Variants in NBEA observed in about 807,000 individuals in gnomAD.
The protein encoded by NBEA is lysosomal-trafficking regulator 2.
In NBEA, 44 loss-of-function variants were observed where a neutral mutation model predicts 343.4. That is an observed-to-expected ratio of 0.13 (90% CI 0.10 to 0.16). The LOEUF is 0.16. Among genes scored for constraint, NBEA ranks in the 10% least tolerant of loss-of-function variants. NBEA has a pLI of 1.00. For missense variants in NBEA, 2,555 were observed against 3,631.3 expected, an observed-to-expected ratio of 0.70 and a Z score of 7.62; for synonymous variants, 1,175 against 1,238.7, an observed-to-expected ratio of 0.95 and a Z score of 1.08.
intron 35 of NBEA, among the ~76,000 whole-genome samples, chr13:35,295,422 A>G (rs1013870235): frequency 1.7e-4 from 26 of 151,996 alleles, no homozygotes; most frequent in Non-Finnish European, 3.2e-4. Context: ...CCCACCTCTT[A>G]TCTGTGATAT....
chr13:35,655,441 A>G (rs1465989342), intron 54 of NBEA, 138 bp from the exon 55 acceptor site: 15 of 903,246 alleles, frequency 1.7e-5, no homozygotes, highest in Middle Eastern at 3.6e-4. Context: ...TTGTCAGCCC[A>G]TAGATGAACT....
At chr13:35,356,028 T>G (rs1594330902) in intron 38 of NBEA, among the ~76,000 whole-genome samples, 1 of 152,052 alleles carries the variant, frequency 6.6e-6, no homozygotes. Context: ...TTATCCATAA[T>G]TGTATCCCCA....
chr13:35,225,835 C>A (rs917882240), intron 33 of NBEA, among the ~76,000 whole-genome samples: 2 of 152,074 alleles, frequency 1.3e-5, no homozygotes, highest in African/African-American at 2.4e-5. Flanking sequence ...GCAACCTCAG[C>A]TCTCTGATGA....
At chr13:35,005,840 G>A (rs188984710) in intron 1 of NBEA, among the ~76,000 whole-genome samples, 4 of 152,218 alleles carry the variant, frequency 2.6e-5, no homozygotes, top group Admixed American at 2.0e-4. Context: ...CCAGATATGT[G>A]TATGCATAAT....
chr13:35,050,723 T>C (rs2063036366), intron 6 of NBEA, among the ~76,000 whole-genome samples: 1 of 152,042 alleles, frequency 6.6e-6, no homozygotes, highest in Non-Finnish European at 1.5e-5. Context: ...TTTGCCTTTT[T>C]TTAAAAAAGT....
chr13:35,079,876 T>G (rs753132288), intron 10 of NBEA, among the ~76,000 whole-genome samples: 22 of 152,164 alleles, frequency 1.4e-4, no homozygotes, highest in Admixed American at 3.3e-4. Context: ...CTATTCATTT[T>G]CACGTAATTC....
At chr13:35,331,516 TTGTC>T (rs1330930550) in intron 36 of NBEA, among the ~76,000 whole-genome samples, 2 of 152,034 alleles carry the variant, frequency 1.3e-5, no homozygotes, top group African/African-American at 2.4e-5. Flanking sequence ...AAAAATGAAT[TTGTC>T]TGACCTATCC....
chr13:35,622,930 G>T (rs535677026), intron 48 of NBEA, among the ~76,000 whole-genome samples: 25 of 152,098 alleles, frequency 1.6e-4, no homozygotes, highest in Middle Eastern at 3.4e-3. Flanking sequence ...AAAGAATTCT[G>T]TACCATCCAA....
At chr13:35,410,050 G>C (rs2043494122) in intron 38 of NBEA, among the ~76,000 whole-genome samples, 1 of 151,956 alleles carries the variant, frequency 6.6e-6, no homozygotes, top group East Asian at 1.9e-4. Context: ...TCTTCCTCTA[G>C]TTGAATCCAA....
chr13:35,132,160 C>T (rs4998018), intron 17 of NBEA, among the ~76,000 whole-genome samples: 14 of 151,908 alleles, frequency 9.2e-5, no homozygotes, highest in Non-Finnish European at 1.6e-4. Context: ...ACTATTATTA[C>T]TATTATTATT....
At chr13:35,641,584 G>A (rs2083950883) in intron 49 of NBEA, among the ~76,000 whole-genome samples, 1 of 152,108 alleles carries the variant, frequency 6.6e-6, no homozygotes, top group Non-Finnish European at 1.5e-5. Flanking sequence ...AATATGTAGT[G>A]TATAACTCAA....
chr13:35,649,894 A>G, intron 52 of NBEA, 47 bp downstream of exon 52: 2 of 1,524,930 alleles, frequency 1.3e-6, no homozygotes, highest in Admixed American at 4.2e-5. Context: ...CTTAAAAGCT[A>G]CAATTAAAGT....
At chr13:35,611,788 C>T (rs9574245) in intron 48 of NBEA, among the ~76,000 whole-genome samples, 22,687 of 152,216 alleles carry the variant, frequency 0.15, 1,875 homozygotes, top group East Asian at 0.32. Context: ...TGGAATATCA[C>T]ATTTTGTTCA....
chr13:35,184,482 T>G (rs547625800), intron 30 of NBEA, among the ~76,000 whole-genome samples: 3 of 151,806 alleles, frequency 2.0e-5, no homozygotes, highest in Non-Finnish European at 4.4e-5. Context: ...GCCCCAACAC[T>G]GTAAAGGAAT....
At chr13:35,657,326 C>G (rs771403985) in intron 55 of NBEA, among the ~76,000 whole-genome samples, 3 of 152,182 alleles carry the variant, frequency 2.0e-5, no homozygotes, top group Non-Finnish European at 2.9e-5. Flanking sequence ...AGTCTCTGTT[C>G]TAAATTTGAA....
chr13:34,981,023 C>G (rs1311951451), intron 1 of NBEA, among the ~76,000 whole-genome samples: 1 of 152,048 alleles, frequency 6.6e-6, no homozygotes, highest in Non-Finnish European at 1.5e-5. Flanking sequence ...TCAAAATGTA[C>G]TTTTATAACA....
At chr13:35,137,788 C>T (rs1262883889) in intron 17 of NBEA, among the ~76,000 whole-genome samples, 1 of 151,504 alleles carries the variant, frequency 6.6e-6, no homozygotes, top group Non-Finnish European at 1.5e-5. Context: ...TTTAACACAA[C>T]CAATTAAATA....
At chr13:35,015,784 A>G in intron 1 of NBEA, among the ~76,000 whole-genome samples, 1 of 152,104 alleles carries the variant, frequency 6.6e-6, no homozygotes, top group East Asian at 1.9e-4. Flanking sequence ...TATATTCATA[A>G]TATAAAAATA....
chr13:34,975,743 C>T (rs2060150555), intron 1 of NBEA, among the ~76,000 whole-genome samples: 1 of 152,046 alleles, frequency 6.6e-6, no homozygotes, highest in African/African-American at 2.4e-5. Context: ...AAAAAAAAAT[C>T]CCATCAAAAA....
Sources: allele counts gnomAD v4.1 joint callset (sites outside exome capture counted in the v4.1 genomes callset), GRCh38; gene constraint gnomAD v4.1.1; transcripts MANE v1.5; gene names NCBI Gene and HGNC (gene_info 2026-07-23, HGNC 2026-07-21).